The following LYPD6 variants were observed in gnomAD, a reference collection of about 807,000 sequenced individuals.
The protein encoded by LYPD6 is ly6/PLAUR domain-containing protein 6.
Under a neutral mutation model 22.7 loss-of-function variants are expected in LYPD6, and 15 were observed. That is an observed-to-expected ratio of 0.66 (90% CI 0.44 to 1.02). The LOEUF (loss-of-function observed/expected upper bound fraction) is 1.02. LYPD6 is among the 50% of genes least tolerant of loss of function. The pLI is 0.00. For missense variants in LYPD6, 189 were observed against 208.4 expected (o/e 0.91, Z 0.57); for synonymous variants, 72 against 77.5 (o/e 0.93, Z 0.37).
At chr2:149,404,584 G>T (rs1039118025) in intron 1 of LYPD6, among the ~76,000 whole-genome samples, 1 of 152,168 alleles carries the variant, frequency 6.6e-6, no homozygotes, top group African/African-American at 2.4e-5. Flanking sequence ...CATTGATTTT[G>T]TATCCTGAGA....
chr2:149,411,962 T>G (rs575422355), intron 1 of LYPD6, among the ~76,000 whole-genome samples: 2 of 152,220 alleles, frequency 1.3e-5, no homozygotes, highest in African/African-American at 4.8e-5. Flanking sequence ...TAATATAGCA[T>G]ATGGTCTTCT....
At chr2:149,418,379 G>A (rs186738522) in intron 1 of LYPD6, among the ~76,000 whole-genome samples, 156 of 152,134 alleles carry the variant, frequency 1.0e-3, no homozygotes, top group Non-Finnish European at 1.1e-3. Context: ...ATATAATGTA[G>A]TAGCAAGGAT....
chr2:149,389,093 C>G (rs768930533), intron 1 of LYPD6, among the ~76,000 whole-genome samples: 3 of 152,108 alleles, frequency 2.0e-5, no homozygotes, highest in African/African-American at 4.8e-5. Context: ...GAAAGAGTGA[C>G]TAGAAGGTTA....
chr2:149,338,036 A>AGCATTTAGGTTGATTCCATGTATTT (rs536796489), intron 1 of LYPD6, among the ~76,000 whole-genome samples: 2 of 152,038 alleles, frequency 1.3e-5, no homozygotes, highest in Non-Finnish European at 1.5e-5. Flanking sequence ...ACTGTTGATG[A>AGCATTTAGGTTGATTCCATGTATTT]GCATTTAGGT....
intron 1 of LYPD6, among the ~76,000 whole-genome samples, chr2:149,397,128 G>T (rs1381197585): frequency 6.6e-6 from 1 of 152,146 alleles, no homozygotes; most frequent in Non-Finnish European, 1.5e-5. Context: ...GATATGGAGG[G>T]CCAGCAGTAT....
chr2:149,447,669 A>G (rs1400351296), intron 2 of LYPD6, among the ~76,000 whole-genome samples: 1 of 152,258 alleles, frequency 6.6e-6, no homozygotes, highest in Non-Finnish European at 1.5e-5. Context: ...CCACTTTTGT[A>G]GATTGAAATG....
chr2:149,370,619 T>G (rs1485798189), intron 1 of LYPD6: 2 of 152,180 alleles, frequency 1.3e-5, no homozygotes, highest in African/African-American at 4.8e-5. Flanking sequence ...TCTAGAACTG[T>G]GAGTAGTACA....
chr2:149,372,639 T>C (rs1235940864), intron 1 of LYPD6, among the ~76,000 whole-genome samples: 2 of 152,212 alleles, frequency 1.3e-5, no homozygotes, highest in African/African-American at 4.8e-5. Context: ...GAATTTGGTT[T>C]AGTTTAAAAA....
At chr2:149,476,165 G>A (rs1276840500), downstream of LYPD6, among the ~76,000 whole-genome samples, 1 of 152,098 alleles carries the variant, frequency 6.6e-6, no homozygotes, top group Non-Finnish European at 1.5e-5. Flanking sequence ...GAGTAATTAA[G>A]ACATGGCTGA....
chr2:149,356,212 C>T (rs1681445999), intron 1 of LYPD6, among the ~76,000 whole-genome samples: 2 of 152,000 alleles, frequency 1.3e-5, no homozygotes, highest in Non-Finnish European at 2.9e-5. Context: ...TTTATGCCAG[C>T]GTTTAGGACT....
At chr2:149,399,864 G>A (rs1171609455) in intron 1 of LYPD6, among the ~76,000 whole-genome samples, 7 of 152,126 alleles carry the variant, frequency 4.6e-5, no homozygotes, top group Non-Finnish European at 1.0e-4. Context: ...CCCAACAAAG[G>A]ATGGTGGTTG....
At chr2:149,457,290 A>C (rs946561851) in intron 3 of LYPD6, among the ~76,000 whole-genome samples, 1 of 152,332 alleles carries the variant, frequency 6.6e-6, no homozygotes, top group Non-Finnish European at 1.5e-5. Context: ...GACGTCGTAG[A>C]ACTAAATTAA....
chr2:149,385,826 G>A (rs1682171891), intron 1 of LYPD6, among the ~76,000 whole-genome samples: 1 of 152,172 alleles, frequency 6.6e-6, no homozygotes, highest in Admixed American at 6.5e-5. Context: ...GGCAGAGAAG[G>A]AGAGAGGCAG....
At chr2:149,476,107 A>G (rs531367340), downstream of LYPD6, among the ~76,000 whole-genome samples, 58 of 152,332 alleles carry the variant, frequency 3.8e-4, no homozygotes, top group African/African-American at 1.3e-3. Flanking sequence ...TGAGCATGCC[A>G]TATTGCTTTT....
intron 3 of LYPD6, among the ~76,000 whole-genome samples, chr2:149,463,904 A>G (rs968285004): frequency 3.3e-5 from 5 of 152,022 alleles, no homozygotes; most frequent in Non-Finnish European, 5.9e-5. Flanking sequence ...TGTGACTATA[A>G]AAGGTCAACA....
chr2:149,421,381 C>A (rs1221312114), intron 1 of LYPD6, among the ~76,000 whole-genome samples: 1 of 133,380 alleles, frequency 7.5e-6, no homozygotes, highest in Non-Finnish European at 1.6e-5. Context: ...CAGAGCAAGA[C>A]TCCATCTCAA....
chr2:149,394,036 A>G (rs2105101444), intron 1 of LYPD6, among the ~76,000 whole-genome samples: 1 of 152,344 alleles, frequency 6.6e-6, no homozygotes, highest in South Asian at 2.1e-4. Context: ...CTACAGTCTC[A>G]AATATAAAAT....
intron 2 of LYPD6, among the ~76,000 whole-genome samples, chr2:149,440,825 C>T (rs1452409880): frequency 1.3e-5 from 2 of 151,186 alleles, no homozygotes; most frequent in African/African-American, 2.4e-5. Flanking sequence ...CTCAGCCTCC[C>T]GAGAAGCTGG....
the LYPD6 span, among the ~76,000 whole-genome samples, chr2:149,481,981 T>A: frequency 6.6e-6 from 1 of 152,198 alleles, no homozygotes; most frequent in Non-Finnish European, 1.5e-5. Context: ...CCTGGGAGCC[T>A]GGTTCCCAGC....
Sources: allele counts gnomAD v4.1 joint callset (sites outside exome capture counted in the v4.1 genomes callset), GRCh38; gene constraint gnomAD v4.1.1; transcripts MANE v1.5; gene names NCBI Gene and HGNC (gene_info 2026-07-23, HGNC 2026-07-21).